VEPH1: variants seen among roughly 807,000 people sequenced by gnomAD.
VEPH1 encodes ventricular zone-expressed PH domain-containing protein homolog 1.
Under a neutral mutation model 85.2 loss-of-function variants are expected in VEPH1, and 80 were observed. The observed-to-expected ratio is 0.94, with a 90% CI of 0.78 to 1.13. The LOEUF (loss-of-function observed/expected upper bound fraction) is 1.13, where lower values mean the gene tolerates loss of function less well. Ranked by LOEUF, VEPH1 falls within the 50% of genes most tolerant of loss-of-function variation. VEPH1 has a pLI of 0.00. For missense variants in VEPH1, 955 were observed against 980.5 expected (o/e 0.97, Z 0.35); for synonymous variants, 297 against 348.0 (o/e 0.85, Z 1.63).
chr3:157,310,592 C>T (rs1720001401), intron 11 of VEPH1, among the ~76,000 whole-genome samples: 1 of 152,190 alleles, frequency 6.6e-6, no homozygotes, highest in Non-Finnish European at 1.5e-5. Context: ...ATTTCAGTTT[C>T]TAACAAAACA....
intron 9 of VEPH1, among the ~76,000 whole-genome samples, chr3:157,320,977 TTA>T (rs2108549727): frequency 6.6e-6 from 1 of 152,268 alleles, no homozygotes; most frequent in Non-Finnish European, 1.5e-5. Context: ...GACTAGACAC[TTA>T]TAACCTATTT....
intron 3 of VEPH1, among the ~76,000 whole-genome samples, chr3:157,463,331 G>A (rs926505099): frequency 2.0e-5 from 3 of 152,168 alleles, no homozygotes; most frequent in African/African-American, 7.2e-5. Flanking sequence ...TAAGTCAGTC[G>A]TGTTGAAAGC....
chr3:157,502,829 C>T (rs930923521), intron 1 of VEPH1, among the ~76,000 whole-genome samples: 2 of 152,142 alleles, frequency 1.3e-5, no homozygotes. Context: ...GTAATGGTGA[C>T]CCTGTTCAAC....
chr3:157,371,099 G>A (rs959970591), intron 7 of VEPH1, among the ~76,000 whole-genome samples: 6 of 152,266 alleles, frequency 3.9e-5, no homozygotes, highest in African/African-American at 7.2e-5. Context: ...GGAGGTTTGC[G>A]CAAGTGTTAC....
At chr3:157,452,894 C>G (rs1365340621) in intron 4 of VEPH1, among the ~76,000 whole-genome samples, 1 of 152,108 alleles carries the variant, frequency 6.6e-6, no homozygotes, top group East Asian at 1.9e-4. Flanking sequence ...TCCTGGGTTT[C>G]TTTTGGGGAT....
At chr3:157,278,853 G>GT (rs1480824263) in intron 12 of VEPH1, among the ~76,000 whole-genome samples, 1 of 152,072 alleles carries the variant, frequency 6.6e-6, no homozygotes, top group African/African-American at 2.4e-5. Context: ...AAGAGTAAGT[G>GT]TTTGGGGGAA....
chr3:157,388,452 G>T (rs1729529096), intron 6 of VEPH1, among the ~76,000 whole-genome samples: 1 of 152,146 alleles, frequency 6.6e-6, no homozygotes, highest in Admixed American at 6.5e-5. Flanking sequence ...TTTTAGAACT[G>T]CAAGCCTCTT....
At chr3:157,407,837 T>G (rs1387397457) in intron 6 of VEPH1, among the ~76,000 whole-genome samples, 2 of 152,168 alleles carry the variant, frequency 1.3e-5, no homozygotes, top group Non-Finnish European at 2.9e-5. Flanking sequence ...CTGTTCCACA[T>G]GGGTTAACTC....
intron 1 of VEPH1, among the ~76,000 whole-genome samples, chr3:157,497,550 T>C (rs1446015354): frequency 6.6e-6 from 1 of 152,284 alleles, no homozygotes; most frequent in Admixed American, 6.5e-5. Context: ...AGTAAAATAA[T>C]ATTCAGGAAA....
At chr3:157,352,919 G>C (rs1478538247) in intron 9 of VEPH1, among the ~76,000 whole-genome samples, 1 of 152,144 alleles carries the variant, frequency 6.6e-6, no homozygotes, top group African/African-American at 2.4e-5. Context: ...TTGCAGGGCA[G>C]GTAAAGGGAG....
At chr3:157,383,745 C>T (rs947784833) in intron 6 of VEPH1, among the ~76,000 whole-genome samples, 1 of 152,122 alleles carries the variant, frequency 6.6e-6, no homozygotes, top group South Asian at 2.1e-4. Flanking sequence ...AAGCTAAAGA[C>T]ATCTATTCAT....
intron 6 of VEPH1, among the ~76,000 whole-genome samples, chr3:157,391,724 T>TA (rs1299508472): frequency 2.0e-5 from 3 of 152,300 alleles, no homozygotes; most frequent in African/African-American, 7.2e-5. Flanking sequence ...CATCTACACA[T>TA]AAGAAATCCA....
rs545101844 is a variant in VEPH1 at position 157,259,814 on chromosome 3, G to A, written c.*1320C>T. 2 of 152,288 alleles carry A rather than the reference G, an allele frequency of 1.3e-5. No individual in the cohort carries two copies. The highest frequency in any genetic ancestry group is 4.1e-4 in the South Asian group (2 of 4,826). The allele number at this position is 152,288 out of a possible 1,614,324, so 9.4% of individuals were successfully genotyped here. ...TCAGGAGTCCAAACGTGATTTAGCT[G>A]GGTCCTCTGCTCAGAGTTTCACAAA... On this transcript the variant is annotated 3_prime_UTR_variant, in exon 14 of 14. Transcript: ENST00000362010.
chr3:157,313,968 G>A (rs1326187325), intron 10 of VEPH1, among the ~76,000 whole-genome samples: 7 of 152,100 alleles, frequency 4.6e-5, no homozygotes, highest in Admixed American at 6.5e-5. Flanking sequence ...ATACTGAGGC[G>A]GGAGGATCGC....
chr3:157,303,357 G>A (rs1031272314), intron 11 of VEPH1, among the ~76,000 whole-genome samples: 2 of 152,164 alleles, frequency 1.3e-5, no homozygotes, highest in Admixed American at 1.3e-4. Flanking sequence ...CATCAGGGTA[G>A]GGATCATGAT....
Position 157,345,143 on chromosome 3 carries a change from A to G in VEPH1, c.1735+18221T>C, listed in dbSNP as rs554076925. Among the ~76,000 whole-genome samples, 9 of 152,334 alleles carry G rather than the reference A, an allele frequency of 5.9e-5. No individual in the cohort carries two copies. In the South Asian group the frequency reaches 1.9e-3, roughly 32 times the overall value. ...CAACGCCTTCATGTCTAAAACACCAAAAGCAATGGCAACAAAAGCCAAAAT... is the reference window on the plus strand; with the variant it reads ...CAACGCCTTCATGTCTAAAACACCAGAAGCAATGGCAACAAAAGCCAAAAT... On this transcript the variant is annotated intron_variant, in intron 9 of 13. Coordinates refer to ENST00000362010, the MANE Select transcript of VEPH1 (RefSeq NM_001167912.2).
At chr3:157,451,754 C>T (rs1266025728) in intron 4 of VEPH1, among the ~76,000 whole-genome samples, 1 of 152,148 alleles carries the variant, frequency 6.6e-6, no homozygotes, top group Admixed American at 6.5e-5. Flanking sequence ...TCTCCTGGCC[C>T]TATCTCATCA....
intron 13 of VEPH1, among the ~76,000 whole-genome samples, chr3:157,263,750 G>C (rs1332605038): frequency 6.6e-6 from 1 of 152,112 alleles, no homozygotes; most frequent in African/African-American, 2.4e-5. Context: ...GTTAACAGAA[G>C]TCTTATTAAT....
chr3:157,381,389 A>T lies in VEPH1; in HGVS notation c.907-13T>A. On this transcript the variant is annotated splice_polypyrimidine_tract_variant and intron_variant, in intron 6 of 13. Coordinates refer to ENST00000362010, the MANE Select transcript of VEPH1 (RefSeq NM_001167912.2). ...TCCTGGCTCTCTCCTACCAAAAACA[A>T]TGAAGAAAATAGGTTTATCTTTTAG... The T allele has an allele frequency of 6.2e-7, 1 of 1,613,188 alleles. No homozygotes were observed. The highest frequency in any genetic ancestry group is 8.5e-7 in the Non-Finnish European group (1 of 1,179,180).
Sources: gnomAD v4.1 joint callset for allele counts (sites outside exome capture counted in the v4.1 genomes callset) on GRCh38, gnomAD v4.1.1 for gene constraint, MANE v1.5 for transcripts, NCBI Gene and HGNC (gene_info 2026-07-23, HGNC 2026-07-21) for gene names.